LRRFIP1: variants seen among roughly 807,000 people sequenced by gnomAD.
The protein encoded by LRRFIP1 is leucine-rich repeat flightless-interacting protein 1.
A neutral mutation model predicts 104.4 loss-of-function variants in LRRFIP1; 62 were observed. The observed-to-expected ratio is 0.59, with a 90% CI of 0.48 to 0.73. The LOEUF is 0.73. Ranked by LOEUF, LRRFIP1 falls within the 30% of genes least tolerant of loss-of-function variation. LRRFIP1 has a pLI of 0.00. For synonymous variants in LRRFIP1, 300 were observed against 299.0 expected (o/e 1.00, Z -0.03); for missense variants, 796 against 824.5 (o/e 0.97, Z 0.42).
At chr2:237,775,201 A>C (rs983077461) in intron 23 of LRRFIP1, among the ~76,000 whole-genome samples, 2 of 152,226 alleles carry the variant, frequency 1.3e-5, no homozygotes, top group African/African-American at 4.8e-5. Flanking sequence ...AGTTCTAGGT[A>C]GGTGGCCAAG....
At position 237,691,715 on chromosome 2, in the gene LRRFIP1, G is replaced by A. The variant is rs2092771327; in HGVS notation, c.97-16829G>A. Among the ~76,000 whole-genome samples the A allele has an allele frequency of 6.6e-6, 1 of 152,068 alleles. No individual in the cohort carries two copies. Among genetic ancestry groups the A allele is most frequent in the South Asian group, 2.1e-4 (1 of 4,824 alleles). ...CCCCCCGGAGGGGACCCCCTCTTCGGGTCGACCCCTACTGGGCGCGGCATC... is the reference window on the plus strand; with the variant it reads ...CCCCCCGGAGGGGACCCCCTCTTCGAGTCGACCCCTACTGGGCGCGGCATC... On this transcript the variant is annotated intron_variant, in intron 1 of 23. Coordinates refer to ENST00000308482, the MANE Select transcript of LRRFIP1 (RefSeq NM_001137550.2). This position sits in a 1 kb window ranked among gnomAD's most constrained non-coding sequence, Gnocchi z 5.4.
intron 6 of LRRFIP1, among the ~76,000 whole-genome samples, chr2:237,723,040 GC>G (rs2094588766): frequency 6.6e-6 from 1 of 152,054 alleles, no homozygotes; most frequent in Admixed American, 6.5e-5. Flanking sequence ...GAAAACACAG[GC>G]CTTCTTCATT....
intron 1 of LRRFIP1, among the ~76,000 whole-genome samples, chr2:237,678,705 A>G (rs539459542): frequency 6.2e-4 from 95 of 152,020 alleles, no homozygotes; most frequent in African/African-American, 2.2e-3. Flanking sequence ...ACAAGGTTTC[A>G]CCATGCTGGC....
chr2:237,714,282 C>G lies in LRRFIP1; in HGVS notation c.201+6C>G. Reference sequence around the variant, plus strand: ...AGATCTATCAGGTCCAAAAGGTAGGCTCTTCTTTCTTTATTTTCTAACTTG... The same window carrying G: ...AGATCTATCAGGTCCAAAAGGTAGGGTCTTCTTTCTTTATTTTCTAACTTG... On this transcript the variant is annotated splice_donor_region_variant and intron_variant, in intron 3 of 23. Transcript: ENST00000308482. 1 of 1,598,572 alleles carries G rather than the reference C, an allele frequency of 6.3e-7. No individual in the cohort carries two copies.
chr2:237,720,881 T>G, intron 6 of LRRFIP1, 59 bp downstream of exon 6: 1 of 1,451,164 alleles, frequency 6.9e-7, no homozygotes, highest in South Asian at 1.1e-5. Context: ...GCCCTTTACT[T>G]TCTCATCCCC....
At chr2:237,664,175 C>G (rs566408016) in intron 1 of LRRFIP1, among the ~76,000 whole-genome samples, 1 of 152,340 alleles carries the variant, frequency 6.6e-6, no homozygotes, top group African/African-American at 2.4e-5. Context: ...TTAGTGAAGT[C>G]ATGGGGAGAA....
chr2:237,669,008 T>C (rs1223502598), intron 1 of LRRFIP1, among the ~76,000 whole-genome samples: 1 of 152,222 alleles, frequency 6.6e-6, no homozygotes, highest in Non-Finnish European at 1.5e-5. Context: ...AAATCTCCTT[T>C]TTTTAAGGAA....
At chr2:237,693,264 G>A (rs2092938813) in intron 1 of LRRFIP1, among the ~76,000 whole-genome samples, 1 of 152,206 alleles carries the variant, frequency 6.6e-6, no homozygotes, top group Non-Finnish European at 1.5e-5. Context: ...CACTTAATCA[G>A]GTGTTCGTGG....
rs1396837567 is a variant in LRRFIP1 at position 237,772,904 on chromosome 2, C to T, written c.1666C>T (p.Leu556Phe). 6.2e-7 allele frequency: 1 copy of T among 1,613,960 alleles called. No individual in the cohort carries two copies. The highest frequency in any genetic ancestry group is 1.7e-5 in the Admixed American group (1 of 60,026). ...ACAGATCAGCGACCTCAAATTTAAACTTGCAAAATCTGAGCAAGAGATAAC... is the reference window on the plus strand; with the variant it reads ...ACAGATCAGCGACCTCAAATTTAAATTTGCAAAATCTGAGCAAGAGATAAC... ...NRQISDLKFK[L>F]AKSEQEITAL... The change falls in exon 22 of 24, where the codon CTT (leucine) becomes TTT (phenylalanine). Residue 556 changes from leucine to phenylalanine, a missense_variant. Transcript: ENST00000308482.
intron 1 of LRRFIP1, among the ~76,000 whole-genome samples, chr2:237,647,040 G>T (rs988466380): frequency 1.3e-5 from 2 of 152,172 alleles, no homozygotes; most frequent in East Asian, 3.9e-4. Flanking sequence ...TCCTGACCAT[G>T]ATGGTTTGTT....
chr2:237,692,352 C>A lies in LRRFIP1; in HGVS notation c.97-16192C>A, dbSNP rs112369010. ...GCGTTCACTTAGCGGCGAGTGGCTC[C>A]GTCTCCGCGGACAGAGCGCGCGCCC... On this transcript the variant is annotated intron_variant, in intron 1 of 23. Transcript: ENST00000308482. 1.6e-5 allele frequency: 20 copies of A among 1,272,734 alleles called. No individual in the cohort carries two copies. The East Asian group carries it at 1.9e-4, about 12-fold the overall frequency. The allele number at this position is 1,272,734 out of a possible 1,614,324, so 78.8% of individuals were successfully genotyped here.
chr2:237,703,580 T>G lies in LRRFIP1; in HGVS notation c.97-4964T>G, dbSNP rs2093649007. On this transcript the variant is annotated intron_variant, in intron 1 of 23. Coordinates refer to ENST00000308482, the MANE Select transcript of LRRFIP1 (RefSeq NM_001137550.2). This position sits in a 1 kb window ranked among gnomAD's most constrained non-coding sequence, Gnocchi z 4.3. ...GCAGCCACCCCGGCTCTGCTTGTCC[T>G]GTTTCAGGGTCCGGCTTAGGGCTCC... Among the ~76,000 whole-genome samples the G allele has an allele frequency of 6.6e-6, 1 of 152,016 alleles. No individual in the cohort carries two copies. The highest frequency in any genetic ancestry group is 2.4e-5 in the African/African-American group (1 of 41,388).
intron 1 of LRRFIP1, among the ~76,000 whole-genome samples, chr2:237,700,887 G>A (rs771551385): frequency 2.6e-4 from 39 of 152,176 alleles, no homozygotes; most frequent in Non-Finnish European, 1.6e-4. Flanking sequence ...AAGGAGTGAC[G>A]TCAGAGTATT....
At chr2:237,734,413 T>A (rs2095163650) in intron 9 of LRRFIP1, among the ~76,000 whole-genome samples, 2 of 151,590 alleles carry the variant, frequency 1.3e-5, no homozygotes, top group Admixed American at 1.3e-4. Context: ...CCTGGGTAGC[T>A]GGGATTACAG....
intron 11 of LRRFIP1, among the ~76,000 whole-genome samples, chr2:237,745,284 C>T (rs893999039): frequency 1.3e-5 from 2 of 152,094 alleles, no homozygotes; most frequent in African/African-American, 4.8e-5. Flanking sequence ...CTTTTTCATT[C>T]GGAAGACACA....
intron 20 of LRRFIP1, among the ~76,000 whole-genome samples, chr2:237,771,238 G>A (rs370576514): frequency 2.0e-5 from 3 of 150,856 alleles, no homozygotes; most frequent in African/African-American, 7.3e-5. Context: ...CCAACTATAC[G>A]GTCAGCCCTC....
intron 14 of LRRFIP1, among the ~76,000 whole-genome samples, chr2:237,751,925 G>T (rs901946786): frequency 6.6e-6 from 1 of 152,202 alleles, no homozygotes; most frequent in African/African-American, 2.4e-5. Flanking sequence ...CATGGATCTG[G>T]AAGTGGGTGG....
At position 237,724,819 on chromosome 2, in the gene LRRFIP1, G is replaced by T. The variant is rs191528392; in HGVS notation, c.384+1233G>T. ...AACACATTTTGGATTTTTTTTTTCGGTCTTAATTCTTTTTTAAAATTCAAT... is the reference window on the plus strand; with the variant it reads ...AACACATTTTGGATTTTTTTTTTCGTTCTTAATTCTTTTTTAAAATTCAAT... On this transcript the variant is annotated intron_variant, in intron 7 of 23. Transcript: ENST00000308482. Among the ~76,000 whole-genome samples the T allele has an allele frequency of 4.6e-5, 7 of 151,896 alleles. No homozygotes were observed. The East Asian group carries it at 1.4e-3, about 29-fold the overall frequency.
At chr2:237,639,317 C>A (rs1373767806) in intron 1 of LRRFIP1, among the ~76,000 whole-genome samples, 1 of 152,192 alleles carries the variant, frequency 6.6e-6, no homozygotes, top group Non-Finnish European at 1.5e-5. Context: ...AGAATAAAAG[C>A]GCGAATGGCT....
Sources: gnomAD v4.1 joint callset for allele counts (sites outside exome capture counted in the v4.1 genomes callset) on GRCh38, gnomAD v4.1.1 for gene constraint, Gnocchi (gnomAD v3.1) non-coding constraint, MANE v1.5 for transcripts, NCBI Gene and HGNC (gene_info 2026-07-23, HGNC 2026-07-21) for gene names.